UNKL: variants seen among roughly 807,000 people sequenced by gnomAD.
The protein encoded by UNKL is unk like zinc finger, also known as putative E3 ubiquitin-protein ligase UNKL.
A neutral mutation model predicts 78.0 loss-of-function variants in UNKL; 60 were observed. The ratio of observed to expected loss-of-function variants is 0.77; its 90% CI spans 0.63 to 0.95. The LOEUF (loss-of-function observed/expected upper bound fraction) is 0.95. UNKL is among the 40% of genes least tolerant of loss of function. The pLI, the probability that UNKL is intolerant of heterozygous loss-of-function variation, is 0.00. For synonymous variants in UNKL, 608 were observed against 474.8 expected (o/e 1.28, Z -3.65); for missense variants, 1,159 against 1,045.7 (o/e 1.11, Z -1.49).
chr16:1,379,048 C>T (rs528350634), intron 10 of UNKL: 46 of 152,298 alleles, frequency 3.0e-4, no homozygotes, highest in African/African-American at 1.0e-3. Flanking sequence ...CTGCCTCAGC[C>T]CCGGGCGTTA....
chr16:1,400,551 C>T (rs2037482185), intron 4 of UNKL, among the ~76,000 whole-genome samples: 1 of 151,120 alleles, frequency 6.6e-6, no homozygotes, highest in African/African-American at 2.4e-5. Context: ...GGAGGAACTG[C>T]TCATAAGCAG....
chr16:1,394,819 C>T (rs2037189929), intron 6 of UNKL, among the ~76,000 whole-genome samples: 1 of 152,174 alleles, frequency 6.6e-6, no homozygotes, highest in Non-Finnish European at 1.5e-5. Flanking sequence ...CCGGCCTGGC[C>T]CCACCCCCCC....
rs547395595 is a variant in UNKL at position 1,401,470 on chromosome 16, A to G, written c.598+98T>C. ...CGGTTTCCCCATCTGATCACCTTGC[A>G]CGTAAACTGAAAGGCACAGGGAACC... On this transcript the variant is annotated intron_variant, in intron 4 of 14. Coordinates refer to ENST00000389221, the MANE Select transcript of UNKL (RefSeq NM_001372107.1). The G allele has an allele frequency of 2.5e-4, 330 of 1,343,060 alleles. 1 individual carries two copies. The highest frequency in any genetic ancestry group is 3.1e-4 in the Non-Finnish European group (322 of 1,029,300). 83.2% of individuals were successfully genotyped at this position (1,343,060 alleles called of 1,614,324 possible). A position where few individuals can be genotyped will look rare whatever the true frequency, so the allele number is the denominator to read the frequency against.
chr16:1,393,517 G>A (rs2037136409), intron 7 of UNKL, among the ~76,000 whole-genome samples: 1 of 152,190 alleles, frequency 6.6e-6, no homozygotes, highest in African/African-American at 2.4e-5. Context: ...CAGCGTGGAG[G>A]AGGCCGCGTG....
chr16:1,412,882 CCT>C (rs1317231584), intron 2 of UNKL, among the ~76,000 whole-genome samples: 4 of 151,874 alleles, frequency 2.6e-5, no homozygotes, highest in Non-Finnish European at 5.9e-5. Context: ...CAGCAAGAAC[CCT>C]GTCTCTATAG....
intron 6 of UNKL, among the ~76,000 whole-genome samples, chr16:1,395,154 C>T (rs2037207358): frequency 6.7e-6 from 1 of 149,622 alleles, no homozygotes; most frequent in Non-Finnish European, 1.5e-5. Flanking sequence ...ACCACCGTGC[C>T]CGGTCTGTTC....
At chr16:1,396,401 C>T (rs985575994) in intron 6 of UNKL, among the ~76,000 whole-genome samples, 13 of 151,616 alleles carry the variant, frequency 8.6e-5, no homozygotes, top group Non-Finnish European at 1.8e-4. Context: ...CTCCTCGCGT[C>T]TCAGCCTCCC....
rs117798238 is a variant in UNKL at position 1,402,079 on chromosome 16, G to A, written c.465-378C>T. On this transcript the variant is annotated intron_variant, in intron 3 of 14. Coordinates refer to ENST00000389221, the MANE Select transcript of UNKL (RefSeq NM_001372107.1). ...TGCTCAGCCCCACCCAAGTAAGAGCGGAGTTTTGTGTGGGCAGGATTCGCT... is the reference window on the plus strand; with the variant it reads ...TGCTCAGCCCCACCCAAGTAAGAGCAGAGTTTTGTGTGGGCAGGATTCGCT... 1.8e-3 allele frequency among the ~76,000 whole-genome samples: 270 copies of A among 152,360 alleles called. 3 individuals are homozygous for A. In the East Asian group the frequency reaches 0.042, roughly 24 times the overall value.
chr16:1,394,244 G>T, intron 6 of UNKL, 29 bp from the exon 7 acceptor site: 3 of 1,548,810 alleles, frequency 1.9e-6, no homozygotes, highest in Non-Finnish European at 2.6e-6. Context: ...TAAAGAGGTT[G>T]GATTGGAAAT....
intron 9 of UNKL, among the ~76,000 whole-genome samples, chr16:1,386,423 G>T (rs1011698904): frequency 1.3e-5 from 2 of 151,946 alleles, no homozygotes; most frequent in African/African-American, 4.8e-5. Context: ...GCGTGGTGGT[G>T]GGCGCCTGTA....
At chr16:1,372,720 C>A (rs1035570329) in intron 10 of UNKL, among the ~76,000 whole-genome samples, 1 of 152,178 alleles carries the variant, frequency 6.6e-6, no homozygotes, top group African/African-American at 2.4e-5. Flanking sequence ...ACCAGAGGAC[C>A]GCAGCGGCTG....
intron 12 of UNKL, 123 bp from the exon 13 acceptor site, chr16:1,367,981 C>T (rs1184416020): frequency 5.7e-6 from 5 of 878,260 alleles, no homozygotes; most frequent in Non-Finnish European, 8.8e-6. Context: ...CCTGCCCTGG[C>T]AGCAGGGGTG....
At chr16:1,393,838 A>C (rs1386364770) in intron 7 of UNKL, among the ~76,000 whole-genome samples, 1 of 152,194 alleles carries the variant, frequency 6.6e-6, no homozygotes, top group Non-Finnish European at 1.5e-5. Flanking sequence ...GCCAGCCCAC[A>C]CCAGGACTCA....
chr16:1,410,038 C>T (rs1451667632), intron 2 of UNKL, among the ~76,000 whole-genome samples: 2 of 152,046 alleles, frequency 1.3e-5, no homozygotes, highest in Non-Finnish European at 2.9e-5. Flanking sequence ...CAGATCGCAC[C>T]ACTTCACTCC....
chr16:1,399,881 A>G lies in UNKL; in HGVS notation c.599-372T>C, dbSNP rs935015685. ...AGGTGATGTGTGCACAGCTTTTGAG[A>G]ATATGCTAAAATCCAGAGACATGCA... On this transcript the variant is annotated intron_variant, in intron 4 of 14. Coordinates refer to ENST00000389221, the MANE Select transcript of UNKL (RefSeq NM_001372107.1). This position sits in a 1 kb window ranked among gnomAD's most constrained non-coding sequence, Gnocchi z 5.8. Among the ~76,000 whole-genome samples, 2 of 152,098 alleles carry G rather than the reference A, an allele frequency of 1.3e-5. No individual in the cohort carries two copies. The highest frequency in any genetic ancestry group is 2.9e-5 in the Non-Finnish European group (2 of 68,022).
At chr16:1,401,844 G>A (rs1358538844) in intron 3 of UNKL, 143 bp from the exon 4 acceptor site, 5 of 1,157,750 alleles carry the variant, frequency 4.3e-6, no homozygotes, top group African/African-American at 1.5e-5. Context: ...TCAGTGTGTG[G>A]CGCTCCGCTG....
At chr16:1,405,757 A>G (rs1489027356) in intron 2 of UNKL, 1 of 339,106 alleles carries the variant, frequency 2.9e-6, no homozygotes, top group African/African-American at 2.2e-5. Flanking sequence ...CATCCGAGAC[A>G]ATCAGTGAGC....
At chr16:1,393,442 G>A (rs561267559) in intron 7 of UNKL, among the ~76,000 whole-genome samples, 36 of 151,564 alleles carry the variant, frequency 2.4e-4, no homozygotes, top group African/African-American at 4.6e-4. Flanking sequence ...CCACTGCAGC[G>A]TGGAGGAGGC....
At chr16:1,409,354 T>G (rs1434223559) in intron 2 of UNKL, among the ~76,000 whole-genome samples, 1 of 152,188 alleles carries the variant, frequency 6.6e-6, no homozygotes, top group Admixed American at 6.5e-5. Context: ...GGCTATTCCC[T>G]TTGTTCAGCG....
Sources: allele counts gnomAD v4.1 joint callset (sites outside exome capture counted in the v4.1 genomes callset), GRCh38; gene constraint gnomAD v4.1.1; non-coding constraint Gnocchi (gnomAD v3.1); transcripts MANE v1.5; gene names NCBI Gene and HGNC (gene_info 2026-07-23, HGNC 2026-07-21).